Variants in SLC26A11 observed in about 807,000 individuals in gnomAD.
The protein encoded by SLC26A11 is sodium-independent sulfate anion transporter.
Under a neutral mutation model 62.2 loss-of-function variants are expected in SLC26A11, and 58 were observed. That is an observed-to-expected ratio of 0.93 (90% CI 0.76 to 1.16). SLC26A11 has a LOEUF of 1.16. Ranked by LOEUF, SLC26A11 falls within the 50% of genes most tolerant of loss-of-function variation. SLC26A11 has a pLI of 0.00. For synonymous variants in SLC26A11, 411 were observed against 368.9 expected, an observed-to-expected ratio of 1.11 and a Z score of -1.31; for missense variants, 790 against 794.3, an observed-to-expected ratio of 0.99 and a Z score of 0.06.
At chr17:80,231,756 A>C (rs945289365) in intron 7 of SLC26A11, among the ~76,000 whole-genome samples, 3 of 152,246 alleles carry the variant, frequency 2.0e-5, no homozygotes, top group Non-Finnish European at 4.4e-5. Context: ...CCCAATTAGT[A>C]CTTTGCCATT....
chr17:80,250,549 T>C lies in SLC26A11; in HGVS notation c.1657-780T>C, dbSNP rs376203285. On this transcript the variant is annotated intron_variant, in intron 16 of 17. Coordinates refer to ENST00000361193, the MANE Select transcript of SLC26A11 (RefSeq NM_001166347.2). ...GGAGATGATTCACTTAAAAAAATAC[T>C]CCTCTGACCCAGACATGGTGGCTCA... 5.0e-4 allele frequency among the ~76,000 whole-genome samples: 76 copies of C among 152,254 alleles called. No individual in the cohort carries two copies. The South Asian group carries it at 0.015, about 30-fold the overall frequency.
Position 80,228,438 on chromosome 17 carries a change from C to T in SLC26A11, c.736+478C>T, listed in dbSNP as rs1461633776. 6.6e-6 allele frequency among the ~76,000 whole-genome samples: 1 copy of T among 152,178 alleles called. No homozygotes were observed. The highest frequency in any genetic ancestry group is 2.4e-5 in the African/African-American group (1 of 41,438). On this transcript the variant is annotated intron_variant, in intron 7 of 17. Coordinates refer to ENST00000361193, the MANE Select transcript of SLC26A11 (RefSeq NM_001166347.2). The surrounding 1 kb of genome is among the most constrained non-coding windows in gnomAD (Gnocchi z 4.1). The stretch of plus-strand genomic sequence containing the variant: ...ATGAGCCACCGCCCCGACCCAAACT[C>T]TAGAACATTTAAAACTCTGAGCCAA...
At position 80,247,487 on chromosome 17, in the gene SLC26A11, T is replaced by A. The variant is rs540422746; in HGVS notation, c.1295-643T>A. The stretch of plus-strand genomic sequence containing the variant: ...TTAACTTAACACATTTTGTTTTGTT[T>A]GTGGAAGAAGCATGGAGTGGGTTCA... On this transcript the variant is annotated intron_variant, in intron 13 of 17. Coordinates refer to ENST00000361193, the MANE Select transcript of SLC26A11 (RefSeq NM_001166347.2). Among the ~76,000 whole-genome samples the A allele has an allele frequency of 1.8e-4, 27 of 152,320 alleles. No individual in the cohort carries two copies. In the South Asian group the frequency reaches 4.8e-3, roughly 27 times the overall value.
In SLC26A11 at chr17:80,252,747, AG is replaced by A; in HGVS notation, c.*34del. The A allele has an allele frequency of 6.3e-7, 1 of 1,594,656 alleles. No homozygotes were observed. Among genetic ancestry groups the A allele is most frequent in the Non-Finnish European group, 8.6e-7 (1 of 1,164,996 alleles). On this transcript the variant is annotated 3_prime_UTR_variant, in exon 18 of 18. Coordinates refer to ENST00000361193, the MANE Select transcript of SLC26A11 (RefSeq NM_001166347.2). The surrounding 1 kb of genome is among the most constrained non-coding windows in gnomAD (Gnocchi z 5.2). ...CCACCCGTGGGCATCCACAGTTTGC[AG>A]GGTGTTCCGGAAGGTTCTTGTCACT...
In SLC26A11 at chr17:80,224,284, TGTGA is replaced by T. The variant is rs1415939214; in HGVS notation, c.513+955_513+958del. Reference sequence around the variant, plus strand: ...GTGTGCGTGTGTGAGTGAGTGCGTGTGTGAGTGAGTGTGCGTGTGTGTGTGAGAG... The same window carrying T: ...GTGTGCGTGTGTGAGTGAGTGCGTGTGTGAGTGTGCGTGTGTGTGTGAGAG... On this transcript the variant is annotated intron_variant, in intron 5 of 17. Transcript: ENST00000361193. Among the ~76,000 whole-genome samples, 380 of 121,946 alleles carry T rather than the reference TGTGA, an allele frequency of 3.1e-3. 2 individuals carry two copies. Among genetic ancestry groups the T allele is most frequent in the African/African-American group, 0.011 (331 of 30,462 alleles). The allele number at this position is 121,946 out of a possible 152,430, so 80.0% of individuals were successfully genotyped here. A position where few individuals can be genotyped will look rare whatever the true frequency, so the allele number is the denominator to read the frequency against.
At chr17:80,226,071 G>T (rs972336147) in intron 6 of SLC26A11, among the ~76,000 whole-genome samples, 155 bp downstream of exon 6, 1 of 152,160 alleles carries the variant, frequency 6.6e-6, no homozygotes, top group Non-Finnish European at 1.5e-5. Flanking sequence ...GGCAAGAAAT[G>T]AGACTCTCAG....
At chr17:80,244,176 TC>T (rs2042935996) in intron 10 of SLC26A11, among the ~76,000 whole-genome samples, 1 of 152,268 alleles carries the variant, frequency 6.6e-6, no homozygotes, top group South Asian at 2.1e-4. Flanking sequence ...CAGGAGGGAT[TC>T]TGGTCTTAGT....
In SLC26A11 at chr17:80,225,690, A is replaced by G. The variant is rs878976526; in HGVS notation, c.514-147A>G. The G allele has an allele frequency of 5.7e-6, 4 of 698,782 alleles. No homozygotes were observed. The Admixed American group carries it at 7.1e-5, about 12-fold the overall frequency. The allele number at this position is 698,782 out of a possible 1,614,324, so 43.3% of individuals were successfully genotyped here. A position where few individuals can be genotyped will look rare whatever the true frequency, so the allele number is the denominator to read the frequency against. ...TTGGGAGTGGGCAGGTGGACCCCTG[A>G]GCCCCTAAGATGGGCCCCGGGAATA... On this transcript the variant is annotated intron_variant, in intron 5 of 17. Transcript: ENST00000361193.
At chr17:80,224,444 A>G (rs7405852) in intron 5 of SLC26A11, among the ~76,000 whole-genome samples, 1 of 146,780 alleles carries the variant, frequency 6.8e-6, no homozygotes, top group South Asian at 2.2e-4. Context: ...TGGGTGTGAG[A>G]GTGTGAGTGT....
At chr17:80,230,719 T>C (rs2042542493) in intron 7 of SLC26A11, among the ~76,000 whole-genome samples, 1 of 152,166 alleles carries the variant, frequency 6.6e-6, no homozygotes, top group African/African-American at 2.4e-5. Context: ...TGTCTAGACA[T>C]CGTAATGTAC....
intron 6 of SLC26A11, among the ~76,000 whole-genome samples, chr17:80,226,534 C>G (rs2042416763): frequency 6.6e-6 from 1 of 152,214 alleles, no homozygotes; most frequent in African/African-American, 2.4e-5. Context: ...AACTCCGTCT[C>G]TACTAAAAAT....
Position 80,225,927 on chromosome 17 carries a change from C to T in SLC26A11, c.593+11C>T, listed in dbSNP as rs1275535013. 2.7e-5 allele frequency: 44 copies of T among 1,612,576 alleles called. No homozygotes were observed. Among genetic ancestry groups the T allele is most frequent in the Non-Finnish European group, 3.6e-5 (42 of 1,178,842 alleles). On this transcript the variant is annotated intron_variant, in intron 6 of 17. Coordinates refer to ENST00000361193, the MANE Select transcript of SLC26A11 (RefSeq NM_001166347.2). The stretch of plus-strand genomic sequence containing the variant: ...GATTGCAGAGACCAGGTACCCCGGG[C>T]TTTGTTCCTCCCTCCTATAAGGAAG...
chr17:80,222,690 G>A lies in SLC26A11; in HGVS notation c.270G>A (p.Val90=). The change falls in exon 4 of 18, where the codon GTG becomes GTA. Residue 90 remains valine, a synonymous_variant. Transcript: ENST00000361193. This position sits in a 1 kb window ranked among gnomAD's most constrained non-coding sequence, Gnocchi z 4.7. ...GLYSAFMGCF[V]YFFLGTSRDV... ...ACTCTGCCTTCATGGGCTGCTTCGTGTATTTCTTCCTGGGCACCTCCCGGG... is the reference window on the plus strand; with the variant it reads ...ACTCTGCCTTCATGGGCTGCTTCGTATATTTCTTCCTGGGCACCTCCCGGG... 1.2e-6 allele frequency: 2 copies of A among 1,614,100 alleles called. No individual in the cohort carries two copies. Among genetic ancestry groups the A allele is most frequent in the Non-Finnish European group, 1.7e-6 (2 of 1,180,012 alleles).
chr17:80,246,440 G>A lies in SLC26A11; in HGVS notation c.1154-69G>A, dbSNP rs1333268896. ...GTCCCCAGTGGGCTCTGCTGAACAA[G>A]AGGCTGCTACGCTGCGTGCTGGGGG... On this transcript the variant is annotated intron_variant, in intron 12 of 17. Transcript: ENST00000361193. This position sits in a 1 kb window ranked among gnomAD's most constrained non-coding sequence, Gnocchi z 4.4. The A allele has an allele frequency of 1.3e-6, 2 of 1,590,438 alleles. No homozygotes were observed. The highest frequency in any genetic ancestry group is 1.3e-5 in the African/African-American group (1 of 74,748).
At chr17:80,225,979 G>T (rs2042398730) in intron 6 of SLC26A11, 63 bp downstream of exon 6, 1 of 1,471,490 alleles carries the variant, frequency 6.8e-7, no homozygotes, top group East Asian at 2.3e-5. Context: ...TCCTCTCCCG[G>T]CCCCCACCTC....
At chr17:80,224,169 G>T (rs1275576039) in intron 5 of SLC26A11, among the ~76,000 whole-genome samples, 2 of 147,574 alleles carry the variant, frequency 1.4e-5, no homozygotes, top group African/African-American at 4.9e-5. Flanking sequence ...AAGGACAGGA[G>T]AGTGTGTGTG....
rs74000659 is a variant in SLC26A11, at chr17:80,243,998, G to A, written c.1037-1198G>A. On this transcript the variant is annotated intron_variant, in intron 10 of 17. Transcript: ENST00000361193. ...CCTGTGGTCACCTTGGGCCTCTACC[G>A]AGCCCTCCCACGCCTGTATTTCCTT... 1.1e-3 allele frequency among the ~76,000 whole-genome samples: 160 copies of A among 152,282 alleles called. 1 individual carries two copies. The highest frequency in any genetic ancestry group is 3.7e-3 in the African/African-American group (152 of 41,558).
intron 7 of SLC26A11, among the ~76,000 whole-genome samples, chr17:80,231,314 C>T (rs1435021595): frequency 6.6e-6 from 1 of 151,812 alleles, no homozygotes; most frequent in Non-Finnish European, 1.5e-5. Flanking sequence ...AGGCGTATGC[C>T]ACCATGCCTG....
chr17:80,244,334 A>T (rs1471322089), intron 10 of SLC26A11, among the ~76,000 whole-genome samples: 4 of 152,070 alleles, frequency 2.6e-5, no homozygotes, highest in Non-Finnish European at 4.4e-5. Flanking sequence ...ACTGGCCATG[A>T]CCTTGGCCTC....
Sources: gnomAD v4.1 joint callset for allele counts (sites outside exome capture counted in the v4.1 genomes callset) on GRCh38, gnomAD v4.1.1 for gene constraint, Gnocchi (gnomAD v3.1) non-coding constraint, MANE v1.5 for transcripts, NCBI Gene and HGNC (gene_info 2026-07-23, HGNC 2026-07-21) for gene names.